The following CGRRF1 variants were observed in gnomAD, a reference collection of about 807,000 sequenced individuals.
The protein encoded by CGRRF1 is cell growth regulator with ring finger domain 1, also known as cell growth regulator with RING finger domain protein 1.
Under a neutral mutation model 37.2 loss-of-function variants are expected in CGRRF1, and 32 were observed. The ratio of observed to expected loss-of-function variants is 0.86; its 90% CI spans 0.65 to 1.16. CGRRF1 has a LOEUF of 1.16. Ranked by LOEUF, CGRRF1 falls within the 50% of genes most tolerant of loss-of-function variation. The probability of loss-of-function intolerance (pLI) is 0.00; values close to 1 mark genes in which losing one functional copy is unlikely to be tolerated. For synonymous variants in CGRRF1, 141 were observed against 140.3 expected, an observed-to-expected ratio of 1.00 and a Z score of -0.04; for missense variants, 391 against 382.6, an observed-to-expected ratio of 1.02 and a Z score of -0.18.
At chr14:54,516,778 T>C (rs1363780943) in intron 1 of CGRRF1, among the ~76,000 whole-genome samples, 3 of 152,190 alleles carry the variant, frequency 2.0e-5, no homozygotes, top group Non-Finnish European at 4.4e-5. Flanking sequence ...TTCAGTGATA[T>C]GTTAAGACTT....
In CGRRF1 at chr14:54,510,801, A is replaced by G. The variant is rs1261756510; in HGVS notation, c.104+738A>G. ...GGAGATGCTATTGTATCATGTTTAG[A>G]CAAGCCTTGTAAATAACGAGTTGAA... On this transcript the variant is annotated intron_variant, in intron 1 of 5. Coordinates refer to ENST00000216420, the MANE Select transcript of CGRRF1 (RefSeq NM_006568.3). Among the ~76,000 whole-genome samples, 6 of 152,172 alleles carry G rather than the reference A, an allele frequency of 3.9e-5. No individual in the cohort carries two copies. The East Asian group carries it at 1.2e-3, about 29-fold the overall frequency.
rs143545286 is a variant in CGRRF1, at chr14:54,515,976, T to C, written c.104+5913T>C. ...CTTGCTATTCGTTTTTTGTTTGTTT[T>C]GTCTGTTCTTTGTTTCTTTTCCCCT... On this transcript the variant is annotated intron_variant, in intron 1 of 5. Transcript: ENST00000216420. Among the ~76,000 whole-genome samples, 1,259 of 152,306 alleles carry C rather than the reference T, an allele frequency of 8.3e-3. 26 individuals are homozygous for C. The highest frequency in any genetic ancestry group is 0.029 in the African/African-American group (1,216 of 41,582).
chr14:54,510,048 G>A lies in CGRRF1; in HGVS notation c.89G>A (p.Gly30Asp). The A allele has an allele frequency of 6.2e-7, 1 of 1,611,246 alleles. No homozygotes were observed. Among genetic ancestry groups the A allele is most frequent in the Non-Finnish European group, 8.5e-7 (1 of 1,177,428 alleles). The change falls in exon 1 of 6, where the codon GGC (glycine) becomes GAC (aspartate). Residue 30 changes from glycine (G) to aspartate (D), a missense_variant. Coordinates refer to ENST00000216420, the MANE Select transcript of CGRRF1 (RefSeq NM_006568.3). ...VVFTCFIVTT[G>D]LVLGWFGWDV... ...TTTACCTGCTTCATCGTGACCACCG[G>A]CCTGGTATTGGGATGGTAAGTGTCC... is the stretch of plus-strand genomic sequence containing the variant.
chr14:54,513,209 T>C (rs1361578767), intron 1 of CGRRF1, among the ~76,000 whole-genome samples: 1 of 152,230 alleles, frequency 6.6e-6, no homozygotes, highest in Non-Finnish European at 1.5e-5. Context: ...GTAATTTCTT[T>C]AGCTCTTTGC....
At chr14:54,523,175 C>A in intron 2 of CGRRF1, 1 of 155,534 alleles carries the variant, frequency 6.4e-6, no homozygotes, top group South Asian at 1.9e-4. Flanking sequence ...ACCATGTTGA[C>A]CAGGCTGGTC....
At chr14:54,514,200 A>C (rs190931884) in intron 1 of CGRRF1, among the ~76,000 whole-genome samples, 37 of 152,326 alleles carry the variant, frequency 2.4e-4, no homozygotes, top group Admixed American at 1.9e-3. Context: ...TCTGACTAGA[A>C]ATAGTCTGTC....
At chr14:54,522,310 C>G in intron 1 of CGRRF1, 144 bp from the exon 2 acceptor site, 1 of 579,408 alleles carries the variant, frequency 1.7e-6, no homozygotes, top group Non-Finnish European at 2.8e-6. Context: ...TGTGGGATCT[C>G]TAAAATAACG....
intron 2 of CGRRF1, among the ~76,000 whole-genome samples, chr14:54,528,846 A>G (rs1487853136): frequency 1.3e-5 from 2 of 152,216 alleles, no homozygotes; most frequent in African/African-American, 2.4e-5. Context: ...CCATGTATCA[A>G]TGCTACTCAG....
chr14:54,514,494 A>G (rs575880854), intron 1 of CGRRF1, among the ~76,000 whole-genome samples: 2 of 152,332 alleles, frequency 1.3e-5, no homozygotes, highest in South Asian at 2.1e-4. Flanking sequence ...GGTTTGTTAC[A>G]TAGGTAAACT....
chr14:54,524,052 A>G (rs930982535), intron 2 of CGRRF1, among the ~76,000 whole-genome samples: 3 of 152,114 alleles, frequency 2.0e-5, no homozygotes, highest in Admixed American at 6.6e-5. Context: ...TTTACTCCTC[A>G]GTGCAGTGCA....
intron 1 of CGRRF1, among the ~76,000 whole-genome samples, chr14:54,515,702 A>G (rs192460488): frequency 6.6e-6 from 1 of 152,280 alleles, no homozygotes; most frequent in East Asian, 1.9e-4. Context: ...TTGCTCTGAG[A>G]TCTACTTTGT....
intron 2 of CGRRF1, 32 bp downstream of exon 2, chr14:54,522,625 ATT>A (rs1416858791): frequency 1.3e-6 from 2 of 1,559,604 alleles, no homozygotes; most frequent in African/African-American, 1.4e-5. Flanking sequence ...ATTTTCTCTC[ATT>A]GTTTGCCCTC....
chr14:54,529,768 G>A (rs769182791), intron 2 of CGRRF1, among the ~76,000 whole-genome samples: 5 of 152,076 alleles, frequency 3.3e-5, no homozygotes, highest in African/African-American at 4.8e-5. Flanking sequence ...AAATGTCTTA[G>A]AGTCGCCAAA....
rs2032109362 is a variant in CGRRF1, at chr14:54,510,339, A to T, written c.104+276A>T. 8.6e-6 allele frequency: 4 copies of T among 466,482 alleles called. No homozygotes were observed. In the Admixed American group the frequency reaches 1.6e-4, roughly 18 times the overall value. 28.9% of individuals were successfully genotyped at this position (466,482 alleles called of 1,614,324 possible). A position where few individuals can be genotyped will look rare whatever the true frequency, so the allele number is the denominator to read the frequency against. On this transcript the variant is annotated intron_variant, in intron 1 of 5. Coordinates refer to ENST00000216420, the MANE Select transcript of CGRRF1 (RefSeq NM_006568.3). The stretch of plus-strand genomic sequence containing the variant: ...TTACTCAGCTTTGTTTCTAGGCGAT[A>T]AAGCAGCCAGGAAGGGCTTGGGCTT...
At chr14:54,510,128 C>A in intron 1 of CGRRF1, 65 bp downstream of exon 1, 1 of 1,253,590 alleles carries the variant, frequency 8.0e-7, no homozygotes, top group Non-Finnish European at 1.2e-6. Context: ...CGACGAGCAG[C>A]AGGGGGCACC....
At chr14:54,518,886 T>G (rs1210269319) in intron 1 of CGRRF1, among the ~76,000 whole-genome samples, 7 of 152,238 alleles carry the variant, frequency 4.6e-5, no homozygotes, top group Admixed American at 4.6e-4. Flanking sequence ...TATATTCATT[T>G]ATACCCAGAT....
chr14:54,523,359 G>A (rs772188072), intron 2 of CGRRF1: 1 of 154,088 alleles, frequency 6.5e-6, no homozygotes. Context: ...GTAATAGATG[G>A]CAGTTGTTTG....
intron 1 of CGRRF1, among the ~76,000 whole-genome samples, chr14:54,519,400 A>G (rs928185182): frequency 7.4e-5 from 11 of 149,164 alleles, no homozygotes; most frequent in African/African-American, 2.7e-4. Context: ...ACCATGCCCA[A>G]CTAATTTTCC....
chr14:54,517,818 C>G (rs902663021), intron 1 of CGRRF1, among the ~76,000 whole-genome samples: 3 of 152,168 alleles, frequency 2.0e-5, no homozygotes, highest in Non-Finnish European at 2.9e-5. Context: ...TGTTTCCCCT[C>G]CATGTGTCCA....
Sources: allele counts gnomAD v4.1 joint callset (sites outside exome capture counted in the v4.1 genomes callset), GRCh38; gene constraint gnomAD v4.1.1; transcripts MANE v1.5; gene names NCBI Gene and HGNC (gene_info 2026-07-23, HGNC 2026-07-21).